Variants in EYA2 observed in about 807,000 individuals in gnomAD.
The protein encoded by EYA2 is protein phosphatase EYA2.
A neutral mutation model predicts 69.2 loss-of-function variants in EYA2; 31 were observed. The ratio of observed to expected loss-of-function variants is 0.45; its 90% CI spans 0.34 to 0.60. EYA2 has a LOEUF of 0.60. Among genes scored for constraint, EYA2 ranks in the 20% least tolerant of loss-of-function variants. The pLI is 0.02. For missense variants in EYA2, 622 were observed against 701.2 expected, an observed-to-expected ratio of 0.89 and a Z score of 1.28; for synonymous variants, 257 against 279.4, an observed-to-expected ratio of 0.92 and a Z score of 0.80.
chr20:47,177,982 C>A (rs2034455355), intron 12 of EYA2, among the ~76,000 whole-genome samples: 1 of 152,164 alleles, frequency 6.6e-6, no homozygotes. Flanking sequence ...ACTAAAGGGA[C>A]CTGACCCAGC....
intron 5 of EYA2, among the ~76,000 whole-genome samples, chr20:47,048,118 C>T (rs369769171): frequency 2.0e-5 from 3 of 152,292 alleles, no homozygotes; most frequent in African/African-American, 4.8e-5. Flanking sequence ...TCACAAATTC[C>T]GAGGATTAGG....
chr20:46,924,269 AG>A (rs1985304757), intron 1 of EYA2, among the ~76,000 whole-genome samples: 1 of 152,172 alleles, frequency 6.6e-6, no homozygotes, highest in African/African-American at 2.4e-5. Context: ...GAAGGACTAA[AG>A]TTTCAGCCAC....
intron 1 of EYA2, among the ~76,000 whole-genome samples, chr20:46,976,477 C>CCGGGTTCACGCCATTCTCCTGCCT (rs1980470739): frequency 6.6e-6 from 1 of 152,158 alleles, no homozygotes. Context: ...ACTCCGCCTC[C>CCGGGTTCACGCCATTCTCCTGCCT]CGGGTTCACG....
chr20:47,161,365 G>A (rs1448540409), intron 10 of EYA2: 15 of 441,558 alleles, frequency 3.4e-5, no homozygotes, highest in East Asian at 6.2e-5. Context: ...AGCCTGGTGC[G>A]CTGGCTGGCG....
intron 1 of EYA2, among the ~76,000 whole-genome samples, chr20:46,945,839 A>G (rs1414679449): frequency 2.6e-5 from 4 of 152,192 alleles, no homozygotes; most frequent in Non-Finnish European, 5.9e-5. Flanking sequence ...TCTTTGCTGC[A>G]GAAGGTGGAG....
chr20:47,015,198 G>C (rs548391339), intron 4 of EYA2, among the ~76,000 whole-genome samples: 43 of 152,172 alleles, frequency 2.8e-4, no homozygotes, highest in Non-Finnish European at 3.8e-4. Flanking sequence ...GATAGGAAGA[G>C]ACTCTTTGCT....
intron 10 of EYA2, among the ~76,000 whole-genome samples, chr20:47,165,623 C>T (rs2034166309): frequency 6.6e-6 from 1 of 152,198 alleles, no homozygotes; most frequent in Non-Finnish European, 1.5e-5. Context: ...TATGCAGAGG[C>T]GAGAACGGCA....
At chr20:47,010,218 T>TA in intron 4 of EYA2, among the ~76,000 whole-genome samples, 1 of 152,332 alleles carries the variant, frequency 6.6e-6, no homozygotes, top group East Asian at 1.9e-4. Flanking sequence ...TCTGGCTTTG[T>TA]AAAAAGCCAC....
intron 15 of EYA2, among the ~76,000 whole-genome samples, chr20:47,187,812 G>A (rs74992391): frequency 0.037 from 5,652 of 152,360 alleles, 153 homozygotes; most frequent in South Asian, 0.056. Context: ...GTCAAACAGC[G>A]AACACGCTGG....
In EYA2 at chr20:47,065,955, G is replaced by C. The variant is rs181474081; in HGVS notation, c.416-6230G>C. Reference sequence around the variant, plus strand: ...ATATCTAAAACAGTGTCTGCCACACGGTGATATTTGGTACATCACTAGGAA... The same window carrying C: ...ATATCTAAAACAGTGTCTGCCACACCGTGATATTTGGTACATCACTAGGAA... On this transcript the variant is annotated intron_variant, in intron 5 of 15. Transcript: ENST00000327619. 6.7e-4 allele frequency among the ~76,000 whole-genome samples: 102 copies of C among 152,258 alleles called. 1 individual carries two copies. Among genetic ancestry groups the C allele is most frequent in the Admixed American group, 5.6e-3 (86 of 15,290 alleles).
chr20:47,120,337 C>T (rs1279225901), intron 9 of EYA2, among the ~76,000 whole-genome samples: 1 of 151,838 alleles, frequency 6.6e-6, no homozygotes, highest in Non-Finnish European at 1.5e-5. Flanking sequence ...GATCGCACCA[C>T]TGCACTCCAG....
intron 10 of EYA2, among the ~76,000 whole-genome samples, chr20:47,143,959 A>T (rs1295239151): frequency 6.6e-5 from 10 of 152,226 alleles, no homozygotes; most frequent in African/African-American, 2.4e-4. Flanking sequence ...AGAGCAAGCA[A>T]CTTTCTCCAA....
intron 9 of EYA2, among the ~76,000 whole-genome samples, chr20:47,111,487 GTC>G (rs1026113320): frequency 6.6e-6 from 1 of 152,204 alleles, no homozygotes; most frequent in Non-Finnish European, 1.5e-5. Flanking sequence ...GGGACAACCT[GTC>G]TCTGCTCCAT....
chr20:47,133,578 GAACTCACA>G (rs1418423966), intron 9 of EYA2, among the ~76,000 whole-genome samples: 4 of 152,102 alleles, frequency 2.6e-5, no homozygotes, highest in Admixed American at 2.6e-4. Flanking sequence ...TGATTGACTA[GAACTCACA>G]AGGCTCAGAG....
At chr20:47,089,592 A>G (rs2032010303) in intron 8 of EYA2, among the ~76,000 whole-genome samples, 1 of 152,180 alleles carries the variant, frequency 6.6e-6, no homozygotes, top group Non-Finnish European at 1.5e-5. Flanking sequence ...CATCAGAATC[A>G]CCTGGGGGGT....
At position 47,060,248 on chromosome 20, in the gene EYA2, A is replaced by G. The variant is rs1393530517; in HGVS notation, c.416-11937A>G. On this transcript the variant is annotated intron_variant, in intron 5 of 15. Transcript: ENST00000327619. Reference sequence around the variant, plus strand: ...TATTTAACAAGAACTCTCTACCCCAAGGTTCGTTTGGCATCTCAATTATAT... The same window carrying G: ...TATTTAACAAGAACTCTCTACCCCAGGGTTCGTTTGGCATCTCAATTATAT... Among the ~76,000 whole-genome samples the G allele has an allele frequency of 2.6e-5, 4 of 152,346 alleles. No homozygotes were observed. In the South Asian group the frequency reaches 6.2e-4, roughly 24 times the overall value.
At chr20:46,941,641 A>G (rs929333850) in intron 1 of EYA2, among the ~76,000 whole-genome samples, 2 of 152,200 alleles carry the variant, frequency 1.3e-5, no homozygotes, top group Non-Finnish European at 2.9e-5. Context: ...GTTTCCTCAC[A>G]TGTATCATGG....
At chr20:47,087,561 A>G (rs1487816469) in intron 7 of EYA2, among the ~76,000 whole-genome samples, 1 of 152,268 alleles carries the variant, frequency 6.6e-6, no homozygotes, top group African/African-American at 2.4e-5. Flanking sequence ...AGTAAAGTAC[A>G]ATCAAAAGCC....
chr20:47,025,169 G>T (rs975625068), intron 5 of EYA2, among the ~76,000 whole-genome samples: 1 of 152,118 alleles, frequency 6.6e-6, no homozygotes, highest in African/African-American at 2.4e-5. Context: ...TTAATGTAAT[G>T]CTTCTCAGTT....
Sources: allele counts gnomAD v4.1 joint callset (sites outside exome capture counted in the v4.1 genomes callset), GRCh38; gene constraint gnomAD v4.1.1; transcripts MANE v1.5; gene names NCBI Gene and HGNC (gene_info 2026-07-23, HGNC 2026-07-21).